Variants in MYO5A observed in about 807,000 individuals in gnomAD.
MYO5A encodes unconventional myosin-Va.
Under a neutral mutation model 249.7 loss-of-function variants are expected in MYO5A, and 98 were observed. The observed-to-expected ratio is 0.39, with a 90% CI of 0.33 to 0.46. The LOEUF is 0.46. Ranked by LOEUF, MYO5A falls within the 20% of genes least tolerant of loss-of-function variation. MYO5A has a pLI of 0.98. For synonymous variants in MYO5A, 778 were observed against 810.6 expected (o/e 0.96, Z 0.68); for missense variants, 1,696 against 2,308.8 (o/e 0.73, Z 5.44).
chr15:52,476,871 T>G (rs1379765645), intron 1 of MYO5A, among the ~76,000 whole-genome samples: 1 of 152,184 alleles, frequency 6.6e-6, no homozygotes, highest in Non-Finnish European at 1.5e-5. Flanking sequence ...ATTATGTGTC[T>G]TGGGGTTGTT....
At chr15:52,360,863 C>G (rs62016003) in intron 24 of MYO5A, among the ~76,000 whole-genome samples, 6,690 of 152,184 alleles carry the variant, frequency 0.044, 248 homozygotes, top group Admixed American at 0.11. Flanking sequence ...TTAGCATGTC[C>G]CCAGCAGGAG....
chr15:52,366,629 C>CAAAAA (rs60631867), intron 23 of MYO5A, among the ~76,000 whole-genome samples: 26 of 74,556 alleles, frequency 3.5e-4, no homozygotes, highest in Non-Finnish European at 5.3e-4. Context: ...ATTGATTTAG[C>CAAAAA]AAAAAAAAAA....
chr15:52,413,171 T>C (rs1242380530), intron 5 of MYO5A, among the ~76,000 whole-genome samples: 3 of 115,066 alleles, frequency 2.6e-5, no homozygotes, highest in Non-Finnish European at 3.8e-5. Context: ...AAAAAAAAAA[T>C]TAACATCCAG....
chr15:52,442,655 G>T (rs1291434952), intron 1 of MYO5A, among the ~76,000 whole-genome samples: 1 of 151,994 alleles, frequency 6.6e-6, no homozygotes, highest in Admixed American at 6.5e-5. Context: ...AGCTATTGAG[G>T]CTTAAACCTT....
chr15:52,384,661 G>A (rs2041901999), intron 14 of MYO5A, among the ~76,000 whole-genome samples: 1 of 152,148 alleles, frequency 6.6e-6, no homozygotes, highest in South Asian at 2.1e-4. Context: ...GAGAAAAACA[G>A]TAATTGAAAG....
chr15:52,420,636 T>C (rs111353538), intron 4 of MYO5A, among the ~76,000 whole-genome samples: 2,286 of 152,256 alleles, frequency 0.015, 28 homozygotes, highest in South Asian at 0.024. Context: ...AAGATACTCA[T>C]ATAATGGAGA....
At chr15:52,525,010 G>A (rs547814823) in intron 1 of MYO5A, among the ~76,000 whole-genome samples, 10 of 152,062 alleles carry the variant, frequency 6.6e-5, no homozygotes, top group African/African-American at 1.7e-4. Context: ...TAATGTTCCC[G>A]ATAATCCTTC....
chr15:52,319,396 G>A (rs1177655319), intron 38 of MYO5A, 54 bp from the exon 39 acceptor site: 4 of 1,564,344 alleles, frequency 2.6e-6, no homozygotes, highest in Non-Finnish European at 3.5e-6. Context: ...AACCTTTCAT[G>A]TGCACATATC....
At chr15:52,382,511 C>A (rs771392731) in intron 16 of MYO5A, among the ~76,000 whole-genome samples, 1 of 152,040 alleles carries the variant, frequency 6.6e-6, no homozygotes, top group Non-Finnish European at 1.5e-5. Flanking sequence ...GCAGAGGTTG[C>A]GGTAAGCCGA....
At chr15:52,474,234 G>A (rs546718388) in intron 1 of MYO5A, among the ~76,000 whole-genome samples, 5 of 152,280 alleles carry the variant, frequency 3.3e-5, no homozygotes, top group African/African-American at 1.2e-4. Context: ...TTTTGCACAC[G>A]GATTTTGTAT....
intron 1 of MYO5A, among the ~76,000 whole-genome samples, chr15:52,517,078 C>T (rs2077510796): frequency 6.6e-6 from 1 of 152,064 alleles, no homozygotes; most frequent in Non-Finnish European, 1.5e-5. Context: ...GAAAATTTCT[C>T]AAAACAGAAT....
Position 52,423,327 on chromosome 15 carries a change from C to T in MYO5A, c.455+2503G>A, listed in dbSNP as rs763311174. ...CAGCACTTTGGGAGGCCGAGGTGGG[C>T]GGATCACGAGGTCAGGAGATAGAGA... is the stretch of plus-strand genomic sequence containing the variant. On this transcript the variant is annotated intron_variant, in intron 4 of 41. Transcript: ENST00000399233. 9.9e-5 allele frequency among the ~76,000 whole-genome samples: 15 copies of T among 151,572 alleles called. No individual in the cohort carries two copies. The East Asian group carries it at 1.2e-3, about 12-fold the overall frequency.
chr15:52,491,300 C>T (rs541568224), intron 1 of MYO5A, among the ~76,000 whole-genome samples: 27 of 152,296 alleles, frequency 1.8e-4, no homozygotes, highest in African/African-American at 6.3e-4. Context: ...TTAATTAGAA[C>T]TTCATTACTA....
chr15:52,514,408 C>G (rs2077456460), intron 1 of MYO5A, among the ~76,000 whole-genome samples: 1 of 152,116 alleles, frequency 6.6e-6, no homozygotes, highest in Non-Finnish European at 1.5e-5. Flanking sequence ...AGGGTTAGGA[C>G]AGAAGTAAAC....
Position 52,311,253 on chromosome 15 carries a change from T to G in MYO5A, c.*2443A>C, listed in dbSNP as rs913186040. On this transcript the variant is annotated 3_prime_UTR_variant, in exon 42 of 42. Coordinates refer to ENST00000399233, the MANE Select transcript of MYO5A (RefSeq NM_001382347.1). The stretch of plus-strand genomic sequence containing the variant: ...ATTCAGGGTGCACGTTGAGTCGTGC[T>G]ACACAGGATGAAGCTGGGGGAGGTC... 1 of 152,262 alleles carries G rather than the reference T, an allele frequency of 6.6e-6. No homozygotes were observed. The highest frequency in any genetic ancestry group is 2.4e-5 in the African/African-American group (1 of 41,462). The allele number at this position is 152,262 out of a possible 1,614,324, so 9.4% of individuals were successfully genotyped here.
intron 5 of MYO5A, among the ~76,000 whole-genome samples, chr15:52,415,509 C>A (rs1293220016): frequency 6.6e-6 from 1 of 152,108 alleles, no homozygotes; most frequent in Non-Finnish European, 1.5e-5. Flanking sequence ...CTTCCCCTGT[C>A]AAAACCTTAC....
intron 40 of MYO5A, among the ~76,000 whole-genome samples, chr15:52,314,632 T>C (rs1404821719): frequency 6.6e-6 from 1 of 152,220 alleles, no homozygotes; most frequent in African/African-American, 2.4e-5. Flanking sequence ...TTTCTCCATA[T>C]AAAAATGTTA....
rs2075784645 is a variant in MYO5A, at chr15:52,441,452, T to C, written c.28-8167A>G. Among the ~76,000 whole-genome samples, 5 of 152,176 alleles carry C rather than the reference T, an allele frequency of 3.3e-5. No individual in the cohort carries two copies. The South Asian group carries it at 1.0e-3, about 32-fold the overall frequency. ...ACGCTATTGAAGGCCCTTGATGGAA[T>C]ATATTCTTAAACATTTCATCCTGCT... On this transcript the variant is annotated intron_variant, in intron 1 of 41. Coordinates refer to ENST00000399233, the MANE Select transcript of MYO5A (RefSeq NM_001382347.1).
chr15:52,385,474 T>C (rs1472626970), intron 14 of MYO5A, among the ~76,000 whole-genome samples: 2 of 152,172 alleles, frequency 1.3e-5, no homozygotes, highest in African/African-American at 2.4e-5. Flanking sequence ...AATTTATTTA[T>C]ATGCTTCCTG....
Sources: allele counts gnomAD v4.1 joint callset (sites outside exome capture counted in the v4.1 genomes callset), GRCh38; gene constraint gnomAD v4.1.1; transcripts MANE v1.5; gene names NCBI Gene and HGNC (gene_info 2026-07-23, HGNC 2026-07-21).